Variants in C1QTNF7 observed in about 807,000 individuals in gnomAD.
The protein encoded by C1QTNF7 is C1q and TNF related 7, also known as complement C1q tumor necrosis factor-related protein 7.
C1QTNF7 carries 15 observed loss-of-function variants against 19.6 expected under a neutral mutation model. The ratio of observed to expected loss-of-function variants is 0.76; its 90% confidence interval spans 0.51 to 1.18. C1QTNF7 has a LOEUF of 1.18. Ranked by LOEUF, C1QTNF7 falls within the 50% of genes most tolerant of loss-of-function variation. The probability of loss-of-function intolerance (pLI) is 0.00; values close to 1 mark genes in which losing one functional copy is unlikely to be tolerated. For synonymous variants in C1QTNF7, 142 were observed against 137.5 expected (o/e 1.03, Z -0.23); for missense variants, 324 against 359.7 (o/e 0.90, Z 0.80).
intron 2 of C1QTNF7, among the ~76,000 whole-genome samples, chr4:15,439,908 A>G (rs1712681700): frequency 6.6e-6 from 1 of 151,770 alleles, no homozygotes; most frequent in Admixed American, 6.6e-5. Context: ...AATGTCATAT[A>G]TAAATCAATG....
At chr4:15,355,182 T>C (rs1717092018) in intron 1 of C1QTNF7, among the ~76,000 whole-genome samples, 1 of 151,970 alleles carries the variant, frequency 6.6e-6, no homozygotes, top group South Asian at 2.1e-4. Context: ...AAGTAAGGAG[T>C]TGACACAGCA....
At chr4:15,416,616 G>A (rs558781642) in intron 1 of C1QTNF7, among the ~76,000 whole-genome samples, 3 of 152,154 alleles carry the variant, frequency 2.0e-5, no homozygotes, top group Admixed American at 2.0e-4. Flanking sequence ...CTGTCTCCAC[G>A]ATACTCGACC....
At chr4:15,417,562 A>G (rs564198813) in intron 1 of C1QTNF7, among the ~76,000 whole-genome samples, 2 of 152,300 alleles carry the variant, frequency 1.3e-5, no homozygotes, top group South Asian at 4.1e-4. Flanking sequence ...GGATCACTTG[A>G]GTCCAAGAGT....
intron 1 of C1QTNF7, among the ~76,000 whole-genome samples, chr4:15,411,638 C>T (rs945291932): frequency 6.6e-6 from 1 of 152,168 alleles, no homozygotes; most frequent in Admixed American, 6.5e-5. Flanking sequence ...TAAACCAACC[C>T]GGACACCCCT....
At chr4:15,430,354 G>A (rs762911550) in intron 1 of C1QTNF7, among the ~76,000 whole-genome samples, 5 of 152,144 alleles carry the variant, frequency 3.3e-5, no homozygotes, top group Non-Finnish European at 7.3e-5. Flanking sequence ...GGAGGGCGAG[G>A]TGGGCAGATC....
intron 1 of C1QTNF7, among the ~76,000 whole-genome samples, chr4:15,350,258 A>AGGGAAGGAGG (rs1716876977): frequency 6.4e-5 from 1 of 15,548 alleles, no homozygotes; most frequent in African/African-American, 2.4e-4. Flanking sequence ...AGGGAAGGAG[A>AGGGAAGGAGG]GAGGGAGGGA....
intron 1 of C1QTNF7, chr4:15,374,468 G>T (rs1717852518): frequency 4.5e-6 from 3 of 672,424 alleles, no homozygotes. Context: ...GATAAAGAAG[G>T]ATATTTATTT....
intron 1 of C1QTNF7, among the ~76,000 whole-genome samples, chr4:15,421,142 C>A (rs757512873): frequency 6.6e-6 from 1 of 151,178 alleles, no homozygotes; most frequent in Non-Finnish European, 1.5e-5. Flanking sequence ...TCCGGATAAA[C>A]GTTTAGAAAC....
intron 1 of C1QTNF7, among the ~76,000 whole-genome samples, chr4:15,410,181 C>T (rs1719355580): frequency 6.6e-6 from 1 of 152,172 alleles, no homozygotes; most frequent in South Asian, 2.1e-4. Flanking sequence ...TTTTCTTAGA[C>T]ATCTTCCACA....
chr4:15,348,196 T>C (rs760255759), intron 1 of C1QTNF7, among the ~76,000 whole-genome samples: 16 of 152,124 alleles, frequency 1.1e-4, no homozygotes, highest in Non-Finnish European at 1.6e-4. Context: ...AAAAGAAAAG[T>C]ACAAGCAAAA....
At chr4:15,386,761 G>C (rs1718350633) in intron 1 of C1QTNF7, among the ~76,000 whole-genome samples, 1 of 152,182 alleles carries the variant, frequency 6.6e-6, no homozygotes, top group Non-Finnish European at 1.5e-5. Flanking sequence ...GTGTGAAAAT[G>C]TCCCATGGCA....
At chr4:15,390,641 T>C (rs978549443) in intron 1 of C1QTNF7, among the ~76,000 whole-genome samples, 7 of 152,046 alleles carry the variant, frequency 4.6e-5, no homozygotes, top group African/African-American at 1.4e-4. Context: ...AAAAATAAAA[T>C]ACAACTTTCT....
At chr4:15,365,810 G>A (rs1206899871) in intron 1 of C1QTNF7, among the ~76,000 whole-genome samples, 2 of 152,056 alleles carry the variant, frequency 1.3e-5, no homozygotes, top group Non-Finnish European at 1.5e-5. Flanking sequence ...CCCTCCCAAC[G>A]GCTGTATTCC....
At chr4:15,397,944 G>A (rs1477526662) in intron 1 of C1QTNF7, among the ~76,000 whole-genome samples, 1 of 152,144 alleles carries the variant, frequency 6.6e-6, no homozygotes, top group Non-Finnish European at 1.5e-5. Context: ...AGCACCCAGT[G>A]GAATTAAGGC....
At chr4:15,356,338 G>A (rs1340538667) in intron 1 of C1QTNF7, among the ~76,000 whole-genome samples, 1 of 151,994 alleles carries the variant, frequency 6.6e-6, no homozygotes, top group Non-Finnish European at 1.5e-5. Context: ...TTATGAGTGA[G>A]AACATGCAGT....
chr4:15,350,614 A>C (rs1327234324), intron 1 of C1QTNF7, among the ~76,000 whole-genome samples: 1 of 152,098 alleles, frequency 6.6e-6, no homozygotes, highest in Non-Finnish European at 1.5e-5. Flanking sequence ...CAAATTCTCT[A>C]TTTTGTTTTG....
intron 1 of C1QTNF7, among the ~76,000 whole-genome samples, chr4:15,345,226 T>C (rs1716676137): frequency 6.6e-6 from 1 of 152,240 alleles, no homozygotes; most frequent in Non-Finnish European, 1.5e-5. Context: ...GCAAAAATCC[T>C]GGGAGGCATT....
rs546719004 is a variant in C1QTNF7 at position 15,369,043 on chromosome 4, G to C, written c.13+28836G>C. Among the ~76,000 whole-genome samples the C allele has an allele frequency of 2.0e-5, 3 of 152,358 alleles. No homozygotes were observed. The East Asian group carries it at 5.8e-4, about 29-fold the overall frequency. ...GCCAGGGACCATCTCTGCAGGCTAGGATATTTTGAGAGGAAATATGTCTTA... is the reference window on the plus strand; with the variant it reads ...GCCAGGGACCATCTCTGCAGGCTAGCATATTTTGAGAGGAAATATGTCTTA... On this transcript the variant is annotated intron_variant, in intron 1 of 2. Transcript: ENST00000295297.
At chr4:15,410,357 C>T (rs768871391) in intron 1 of C1QTNF7, among the ~76,000 whole-genome samples, 23 of 152,086 alleles carry the variant, frequency 1.5e-4, no homozygotes, top group Non-Finnish European at 2.6e-4. Context: ...ATATTTTCTG[C>T]CAGGCTGTTA....
Sources: gnomAD v4.1 joint callset for allele counts (sites outside exome capture counted in the v4.1 genomes callset) on GRCh38, gnomAD v4.1.1 for gene constraint, MANE v1.5 for transcripts, NCBI Gene and HGNC (gene_info 2026-07-23, HGNC 2026-07-21) for gene names.